RALGAPA2: variants seen among roughly 807,000 people sequenced by gnomAD.
The protein encoded by RALGAPA2 is ral GTPase-activating protein subunit alpha-2.
Under a neutral mutation model 230.4 loss-of-function variants are expected in RALGAPA2, and 139 were observed. The ratio of observed to expected loss-of-function variants is 0.60; its 90% CI spans 0.53 to 0.69. The LOEUF is 0.69. Ranked by LOEUF, RALGAPA2 falls within the 30% of genes least tolerant of loss-of-function variation. The probability of loss-of-function intolerance (pLI) is 0.00; values close to 1 mark genes in which losing one functional copy is unlikely to be tolerated. For missense variants in RALGAPA2, 2,163 were observed against 2,276.0 expected (o/e 0.95, Z 1.01); for synonymous variants, 847 against 837.8 (o/e 1.01, Z -0.19).
intron 38 of RALGAPA2, among the ~76,000 whole-genome samples, chr20:20,399,331 G>A (rs906001518): frequency 6.6e-4 from 67 of 101,734 alleles, no homozygotes; most frequent in African/African-American, 2.2e-3. Context: ...GCAATAGAGC[G>A]AAACTCCGTC....
intron 4 of RALGAPA2, among the ~76,000 whole-genome samples, chr20:20,647,629 T>C (rs2067261041): frequency 6.6e-6 from 1 of 151,890 alleles, no homozygotes; most frequent in Non-Finnish European, 1.5e-5. Context: ...TCTTAAAAAT[T>C]AAAAACTTCA....
chr20:20,395,996 G>C (rs1224563468), intron 39 of RALGAPA2, among the ~76,000 whole-genome samples: 4 of 152,216 alleles, frequency 2.6e-5, no homozygotes. Context: ...AGGTGGTGCA[G>C]CCCAGGCCAC....
At chr20:20,585,648 G>C (rs2065112672) in intron 18 of RALGAPA2, among the ~76,000 whole-genome samples, 1 of 152,206 alleles carries the variant, frequency 6.6e-6, no homozygotes, top group South Asian at 2.1e-4. Flanking sequence ...GACAGCAATG[G>C]ACATGAAGTG....
At chr20:20,677,810 AT>A (rs1030449024) in intron 2 of RALGAPA2, among the ~76,000 whole-genome samples, 4 of 149,812 alleles carry the variant, frequency 2.7e-5, no homozygotes, top group East Asian at 2.0e-4. Flanking sequence ...CACCCGGCTA[AT>A]TTTTTTTTGT....
At chr20:20,444,287 AC>A (rs1215384189) in intron 37 of RALGAPA2, among the ~76,000 whole-genome samples, 1 of 152,224 alleles carries the variant, frequency 6.6e-6, no homozygotes, top group African/African-American at 2.4e-5. Flanking sequence ...TTATTTTAAT[AC>A]AAAAATGTTG....
chr20:20,606,254 C>T (rs1292999546), intron 14 of RALGAPA2, among the ~76,000 whole-genome samples: 1 of 152,166 alleles, frequency 6.6e-6, no homozygotes, highest in African/African-American at 2.4e-5. Context: ...TGGTTCTCCC[C>T]TTTCTGAGGC....
chr20:20,550,345 A>T (rs2063888678), intron 23 of RALGAPA2, among the ~76,000 whole-genome samples: 1 of 152,194 alleles, frequency 6.6e-6, no homozygotes, highest in Admixed American at 6.5e-5. Context: ...AAGTAATACA[A>T]TGACAGTAAT....
intron 37 of RALGAPA2, among the ~76,000 whole-genome samples, chr20:20,450,042 T>C (rs1311852856): frequency 1.3e-5 from 2 of 152,234 alleles, no homozygotes; most frequent in East Asian, 1.9e-4. Flanking sequence ...TGATTTTCTC[T>C]TTCTCATTAT....
At chr20:20,537,185 C>T (rs905009541) in intron 24 of RALGAPA2, among the ~76,000 whole-genome samples, 2 of 152,048 alleles carry the variant, frequency 1.3e-5, no homozygotes, top group Non-Finnish European at 2.9e-5. Context: ...AGGTAACTAT[C>T]GGAGAGTAGA....
At chr20:20,583,348 TG>T in intron 19 of RALGAPA2, 122 bp from the exon 20 acceptor site, 7 of 1,091,596 alleles carry the variant, frequency 6.4e-6, no homozygotes, top group Non-Finnish European at 9.0e-6. Context: ...TCATGTTCTT[TG>T]GCAGAACCTG....
chr20:20,602,727 G>A (rs1029103549), intron 15 of RALGAPA2, among the ~76,000 whole-genome samples: 2 of 152,212 alleles, frequency 1.3e-5, no homozygotes, highest in East Asian at 1.9e-4. Context: ...TGAAAACAGT[G>A]TTTTCGAAGT....
chr20:20,544,681 T>C (rs1003941020), intron 24 of RALGAPA2, among the ~76,000 whole-genome samples: 3 of 152,218 alleles, frequency 2.0e-5, no homozygotes, highest in Non-Finnish European at 4.4e-5. Flanking sequence ...CATGGAATAC[T>C]GTGCAGCCAC....
At chr20:20,635,265 T>C (rs1206577731) in intron 9 of RALGAPA2, 153 bp downstream of exon 9, 3 of 759,840 alleles carry the variant, frequency 3.9e-6, no homozygotes, top group Non-Finnish European at 6.6e-6. Context: ...CTCTGAAACC[T>C]TGGCATTACA....
intron 37 of RALGAPA2, among the ~76,000 whole-genome samples, chr20:20,444,449 TACAC>T (rs1171802907): frequency 6.6e-6 from 1 of 151,956 alleles, no homozygotes. Context: ...TATTGACAAA[TACAC>T]ACACGCACAG....
In RALGAPA2 at chr20:20,434,778, C is replaced by T. The variant is rs114336242; in HGVS notation, c.5496-22630G>A. ...TGATGAGACCCCGTCTCTACTAACA[C>T]ATTAAAAACTAGATGGGTGTGATGG... On this transcript the variant is annotated intron_variant, in intron 37 of 39. Coordinates refer to ENST00000202677, the MANE Select transcript of RALGAPA2 (RefSeq NM_020343.4). Among the ~76,000 whole-genome samples, 987 of 152,118 alleles carry T rather than the reference C, an allele frequency of 6.5e-3. 13 individuals carry two copies. Among genetic ancestry groups the T allele is most frequent in the African/African-American group, 0.023 (937 of 41,488 alleles).
intron 1 of RALGAPA2, among the ~76,000 whole-genome samples, chr20:20,711,426 T>C (rs2069860945): frequency 6.6e-6 from 1 of 152,210 alleles, no homozygotes; most frequent in Non-Finnish European, 1.5e-5. Context: ...AGTGTGTCTA[T>C]AGATAGCAAA....
intron 20 of RALGAPA2, among the ~76,000 whole-genome samples, chr20:20,574,423 A>C (rs538773196): frequency 2.6e-5 from 4 of 152,326 alleles, no homozygotes; most frequent in African/African-American, 9.6e-5. Flanking sequence ...GAATTTAATG[A>C]TTTACATGTA....
Position 20,512,976 on chromosome 20 carries a change from C to G in RALGAPA2, c.4393G>C (p.Asp1465His). ...SLSDVRVIVR[D>H]ISGKYSWDGK... ...TCCCAAGAGTACTTCCCTGAGATAT[C>G]CCTCACAATTACTCTCACATCAGAG... The change falls in exon 32 of 40, where the codon GAT (aspartate) becomes CAT (histidine). Residue 1465 changes from aspartate to histidine, a missense_variant. Asp to His is a moderately conservative substitution (Grantham distance 81, BLOSUM62 -1). Transcript: ENST00000202677. 1 of 1,613,706 alleles carries G rather than the reference C, an allele frequency of 6.2e-7. No individual in the cohort carries two copies. Among genetic ancestry groups the G allele is most frequent in the Non-Finnish European group, 8.5e-7 (1 of 1,179,670 alleles).
rs535373828 is a variant in RALGAPA2, at chr20:20,511,966, A to G, written c.4856+547T>C. On this transcript the variant is annotated intron_variant, in intron 32 of 39. Transcript: ENST00000202677. ...AACACTTTGGGAGGCCAAGGAGGGT[A>G]AATCATGAGGTCAGTAGTTTGAGAC... Among the ~76,000 whole-genome samples, 6 of 152,256 alleles carry G rather than the reference A, an allele frequency of 3.9e-5. No homozygotes were observed. In the South Asian group the frequency reaches 6.2e-4, roughly 16 times the overall value.
Sources: gnomAD v4.1 joint callset for allele counts (sites outside exome capture counted in the v4.1 genomes callset) on GRCh38, gnomAD v4.1.1 for gene constraint, MANE v1.5 for transcripts, NCBI Gene and HGNC (gene_info 2026-07-23, HGNC 2026-07-21) for gene names.